The following TRIM33 variants were observed in gnomAD, a reference collection of about 807,000 sequenced individuals.
TRIM33 encodes the protein E3 ubiquitin-protein ligase TRIM33.
Under a neutral mutation model 125.4 loss-of-function variants are expected in TRIM33, and 20 were observed. The observed-to-expected ratio is 0.16, with a 90% CI of 0.11 to 0.23. The LOEUF (loss-of-function observed/expected upper bound fraction) is 0.23, where lower values mean the gene tolerates loss of function less well. TRIM33 is among the 10% of genes least tolerant of loss of function. The pLI is 1.00. For synonymous variants in TRIM33, 564 were observed against 513.9 expected (o/e 1.10, Z -1.32); for missense variants, 920 against 1,411.4 (o/e 0.65, Z 5.58).
At chr1:114,453,240 T>G (rs1649424306) in intron 4 of TRIM33, among the ~76,000 whole-genome samples, 1 of 151,836 alleles carries the variant, frequency 6.6e-6, no homozygotes, top group Non-Finnish European at 1.5e-5. Flanking sequence ...GATGTCCACC[T>G]GTAATCCCAG....
chr1:114,429,190 CTTT>C (rs34957665), intron 6 of TRIM33, among the ~76,000 whole-genome samples: 6 of 140,276 alleles, frequency 4.3e-5, no homozygotes, highest in South Asian at 2.3e-4. Flanking sequence ...CACAAGAGTA[CTTT>C]TTTTTTTTTT....
intron 5 of TRIM33, among the ~76,000 whole-genome samples, chr1:114,431,513 G>A (rs1424956470): frequency 6.6e-6 from 1 of 152,196 alleles, no homozygotes; most frequent in Non-Finnish European, 1.5e-5. Flanking sequence ...AGCACTCAAA[G>A]CAGTTATGGA....
Position 114,497,869 on chromosome 1 carries a change from A to G in TRIM33, c.526+12682T>C, listed in dbSNP as rs114739303. On this transcript the variant is annotated intron_variant, in intron 1 of 19. Coordinates refer to ENST00000358465, the MANE Select transcript of TRIM33 (RefSeq NM_015906.4). ...TGCTCGAGGAAGCCTATGAAACACA[A>G]AGATCAAAAGAAAAAAAAAAAAGTA... Among the ~76,000 whole-genome samples the G allele has an allele frequency of 9.7e-3, 1,475 of 151,724 alleles. 24 individuals are homozygous for G. The highest frequency in any genetic ancestry group is 0.034 in the African/African-American group (1,395 of 41,294).
chr1:114,507,149 A>G (rs1653050775), intron 1 of TRIM33, among the ~76,000 whole-genome samples: 1 of 152,274 alleles, frequency 6.6e-6, no homozygotes, highest in Non-Finnish European at 1.5e-5. Context: ...CTACTTTAAA[A>G]TGAGAAGTCA....
At chr1:114,499,045 T>C (rs1306350993) in intron 1 of TRIM33, among the ~76,000 whole-genome samples, 1 of 152,188 alleles carries the variant, frequency 6.6e-6, no homozygotes, top group Non-Finnish European at 1.5e-5. Context: ...ACTGGGGTTG[T>C]ACAAAGGAGT....
intron 4 of TRIM33, among the ~76,000 whole-genome samples, chr1:114,460,742 A>G (rs1649927479): frequency 6.6e-6 from 1 of 151,898 alleles, no homozygotes; most frequent in Admixed American, 6.6e-5. Flanking sequence ...GAAATGACCA[A>G]TCCACTTTTT....
At chr1:114,455,494 T>A (rs539573952) in intron 4 of TRIM33, among the ~76,000 whole-genome samples, 2 of 152,310 alleles carry the variant, frequency 1.3e-5, no homozygotes, top group East Asian at 3.9e-4. Flanking sequence ...ATCAGAAGTA[T>A]TGTCTAAGCT....
rs553269663 is a variant in TRIM33 at position 114,483,416 on chromosome 1, GT to G, written c.527-19029del. On this transcript the variant is annotated intron_variant, in intron 1 of 19. Transcript: ENST00000358465. The stretch of plus-strand genomic sequence containing the variant: ...AAAAGGAAAGTCCAGACCCAGTTGG[GT>G]TTTTTTTTTTTCTTTTTGAGATGGA... Among the ~76,000 whole-genome samples the G allele has an allele frequency of 2.0e-3, 294 of 145,122 alleles. 4 individuals carry two copies. Among genetic ancestry groups the G allele is most frequent in the African/African-American group, 6.1e-3 (242 of 39,698 alleles).
At chr1:114,483,569 G>A (rs1402821684) in intron 1 of TRIM33, among the ~76,000 whole-genome samples, 4 of 151,768 alleles carry the variant, frequency 2.6e-5, no homozygotes, top group South Asian at 2.1e-4. Flanking sequence ...CCACCACCAC[G>A]CTCAGCTAAT....
At chr1:114,496,772 C>T (rs1161354862) in intron 1 of TRIM33, among the ~76,000 whole-genome samples, 2 of 152,208 alleles carry the variant, frequency 1.3e-5, no homozygotes, top group Non-Finnish European at 2.9e-5. Context: ...CACTCAAAAA[C>T]TTCCCATGTT....
chr1:114,413,654 G>C (rs1015091516), intron 11 of TRIM33, among the ~76,000 whole-genome samples: 3 of 112,888 alleles, frequency 2.7e-5, no homozygotes, highest in Non-Finnish European at 5.5e-5. Flanking sequence ...AAAAAAAAAG[G>C]TAAAACTTGC....
In TRIM33 at chr1:114,393,922, T is replaced by C. The variant is rs1651409459; in HGVS notation, c.*3726A>G. 1 of 220,144 alleles carries C rather than the reference T, an allele frequency of 4.5e-6. No homozygotes were observed. The highest frequency in any genetic ancestry group is 9.1e-6 in the Non-Finnish European group (1 of 109,682). 13.6% of individuals were successfully genotyped at this position (220,144 alleles called of 1,614,324 possible). ...TACAAACTTTCCTATAAAATCACCA[T>C]CCAGGAGAGGATTCTGACATGCTAT... is the stretch of plus-strand genomic sequence containing the variant. On this transcript the variant is annotated 3_prime_UTR_variant, in exon 20 of 20. Coordinates refer to ENST00000358465, the MANE Select transcript of TRIM33 (RefSeq NM_015906.4).
chr1:114,418,841 C>A (rs1267348968), intron 11 of TRIM33, among the ~76,000 whole-genome samples: 3 of 152,020 alleles, frequency 2.0e-5, no homozygotes, highest in African/African-American at 7.3e-5. Context: ...TTTTCCCACA[C>A]CCCTATGACT....
intron 11 of TRIM33, among the ~76,000 whole-genome samples, chr1:114,419,945 C>T (rs564663862): frequency 6.6e-6 from 1 of 152,126 alleles, no homozygotes; most frequent in Non-Finnish European, 1.5e-5. Flanking sequence ...TACATAAGCC[C>T]ATTAAAACCC....
At chr1:114,420,744 A>G (rs1653233806) in intron 11 of TRIM33, among the ~76,000 whole-genome samples, 1 of 152,220 alleles carries the variant, frequency 6.6e-6, no homozygotes, top group Admixed American at 6.5e-5. Flanking sequence ...GCTAATGAAC[A>G]TATCTAACTC....
At chr1:114,482,997 C>G (rs1386854548) in intron 1 of TRIM33, among the ~76,000 whole-genome samples, 3 of 152,088 alleles carry the variant, frequency 2.0e-5, no homozygotes, top group Non-Finnish European at 4.4e-5. Flanking sequence ...CAAGTTAGAC[C>G]ACTAAAACAA....
chr1:114,412,534 A>T (rs553212185), intron 11 of TRIM33, among the ~76,000 whole-genome samples: 1 of 152,220 alleles, frequency 6.6e-6, no homozygotes, highest in South Asian at 2.1e-4. Context: ...CCCTCTCTCA[A>T]ACAACCTGTC....
intron 11 of TRIM33, among the ~76,000 whole-genome samples, chr1:114,417,735 T>G (rs1653026542): frequency 6.6e-6 from 1 of 152,198 alleles, no homozygotes. Context: ...CTCGGCTCAC[T>G]GGAACCTCCA....
chr1:114,505,365 A>T (rs1238092542), intron 1 of TRIM33, among the ~76,000 whole-genome samples: 1 of 152,146 alleles, frequency 6.6e-6, no homozygotes, highest in African/African-American at 2.4e-5. Flanking sequence ...CTGAGGCCAG[A>T]ACTGTCATAT....
Sources: gnomAD v4.1 joint callset for allele counts (sites outside exome capture counted in the v4.1 genomes callset) on GRCh38, gnomAD v4.1.1 for gene constraint, MANE v1.5 for transcripts, NCBI Gene and HGNC (gene_info 2026-07-23, HGNC 2026-07-21) for gene names.